Variants in AGBL1 observed in about 807,000 individuals in gnomAD.
AGBL1 encodes cytosolic carboxypeptidase 4.
AGBL1 carries 130 observed loss-of-function variants against 118.9 expected under a neutral mutation model. The ratio of observed to expected loss-of-function variants is 1.09; its 90% CI spans 0.95 to 1.26. The LOEUF (loss-of-function observed/expected upper bound fraction) is 1.26. Ranked by LOEUF, AGBL1 falls within the 50% of genes most tolerant of loss-of-function variation. The pLI, the probability that AGBL1 is intolerant of heterozygous loss-of-function variation, is 0.00. For synonymous variants in AGBL1, 555 were observed against 478.9 expected (o/e 1.16, Z -2.08); for missense variants, 1,584 against 1,298.1 (o/e 1.22, Z -3.38).
chr15:86,093,003 T>A (rs1201165535), intron 1 of AGBL1, among the ~76,000 whole-genome samples: 1 of 152,144 alleles, frequency 6.6e-6, no homozygotes, highest in Admixed American at 6.6e-5. Context: ...AATAGCAGCT[T>A]CGGAAGTATT....
At chr15:86,794,742 A>G (rs1383960357) in intron 22 of AGBL1, among the ~76,000 whole-genome samples, 1 of 152,200 alleles carries the variant, frequency 6.6e-6, no homozygotes, top group Non-Finnish European at 1.5e-5. Context: ...CCTTAGATAT[A>G]TACCTCATGA....
chr15:87,030,474 A>G (rs1292036908), downstream of AGBL1, among the ~76,000 whole-genome samples: 1 of 151,932 alleles, frequency 6.6e-6, no homozygotes, highest in East Asian at 1.9e-4. Context: ...TCTATTTACA[A>G]CTCTTTGCTT....
chr15:86,368,764 T>C (rs996310736), intron 17 of AGBL1, among the ~76,000 whole-genome samples: 1 of 152,028 alleles, frequency 6.6e-6, no homozygotes, highest in Non-Finnish European at 1.5e-5. Context: ...AAGGGAATGG[T>C]GGAGAAACAG....
intron 21 of AGBL1, among the ~76,000 whole-genome samples, chr15:86,566,348 T>G (rs7179130): frequency 0.45 from 67,875 of 151,956 alleles, 16,133 homozygotes; most frequent in East Asian, 0.77. Flanking sequence ...AGTTTTCAAG[T>G]GACTTTGGCT....
chr15:86,923,757 T>G (rs2080503642), intron 23 of AGBL1, among the ~76,000 whole-genome samples: 1 of 152,216 alleles, frequency 6.6e-6, no homozygotes, highest in African/African-American at 2.4e-5. Context: ...TCTGACAAAA[T>G]GCTCCCTATA....
chr15:86,438,916 C>T (rs184090075), intron 18 of AGBL1, among the ~76,000 whole-genome samples: 392 of 152,266 alleles, frequency 2.6e-3, no homozygotes, highest in African/African-American at 8.9e-3. Flanking sequence ...CCACCTCGGC[C>T]TCCCAAAGTG....
rs559645909 is a variant in AGBL1 at position 86,380,764 on chromosome 15, T to C, written c.2375-16602T>C. Among the ~76,000 whole-genome samples, 15 of 152,350 alleles carry C rather than the reference T, an allele frequency of 9.8e-5. No individual in the cohort carries two copies. In the South Asian group the frequency reaches 1.2e-3, roughly 13 times the overall value. ...GTTTTATTTGGCTCCAACTTTCAAA[T>C]TGTGTCCTTTGAAAGCTACTCATTC... On this transcript the variant is annotated intron_variant, in intron 17 of 22. Transcript: ENST00000614907.
chr15:86,358,069 G>A (rs573082884), intron 17 of AGBL1, among the ~76,000 whole-genome samples: 1 of 152,138 alleles, frequency 6.6e-6, no homozygotes, highest in East Asian at 1.9e-4. Flanking sequence ...CAAATTTCAA[G>A]TATGTATTAA....
chr15:86,571,566 T>C (rs893348187), intron 21 of AGBL1, among the ~76,000 whole-genome samples: 7 of 152,096 alleles, frequency 4.6e-5, no homozygotes, highest in Non-Finnish European at 1.0e-4. Context: ...GTGGTTCCTC[T>C]CTGCTAGGCA....
chr15:86,838,941 T>A (rs1198135057), intron 22 of AGBL1, among the ~76,000 whole-genome samples: 16 of 48,004 alleles, frequency 3.3e-4, no homozygotes, highest in Non-Finnish European at 4.4e-4. Context: ...TGAGATCCTG[T>A]AAAAAAAAAA....
At chr15:86,560,092 T>A (rs958000121) in intron 21 of AGBL1, among the ~76,000 whole-genome samples, 2 of 152,168 alleles carry the variant, frequency 1.3e-5, no homozygotes, top group African/African-American at 4.8e-5. Context: ...GGTGACCCAG[T>A]GTAATGTGAA....
intron 23 of AGBL1, among the ~76,000 whole-genome samples, chr15:86,929,220 G>T (rs1262159599): frequency 6.6e-6 from 1 of 152,126 alleles, no homozygotes; most frequent in African/African-American, 2.4e-5. Flanking sequence ...TAATAAGAAA[G>T]AATCTGATGT....
intron 15 of AGBL1, among the ~76,000 whole-genome samples, chr15:86,278,606 A>C (rs2079297227): frequency 6.6e-6 from 1 of 152,202 alleles, no homozygotes; most frequent in East Asian, 1.9e-4. Flanking sequence ...CACAAGAATA[A>C]TTACCTACTA....
intron 1 of AGBL1, among the ~76,000 whole-genome samples, chr15:86,134,850 T>C (rs1332489126): frequency 6.6e-6 from 1 of 151,836 alleles, no homozygotes; most frequent in South Asian, 2.1e-4. Flanking sequence ...CCTGACCTCA[T>C]GATCTGCCTG....
At chr15:86,918,577 C>T (rs993972459), downstream of AGBL1, among the ~76,000 whole-genome samples, 18 of 151,982 alleles carry the variant, frequency 1.2e-4, no homozygotes, top group Admixed American at 2.6e-4. Context: ...TGTAATTTTC[C>T]GAGTCTTATT....
intron 21 of AGBL1, among the ~76,000 whole-genome samples, chr15:86,669,293 T>G (rs1030642976): frequency 1.3e-5 from 2 of 151,818 alleles, no homozygotes; most frequent in South Asian, 2.1e-4. Flanking sequence ...GATGAATGAG[T>G]TTACAAGTAG....
At chr15:86,817,463 T>TAC (rs143498374) in intron 22 of AGBL1, among the ~76,000 whole-genome samples, 3,466 of 133,178 alleles carry the variant, frequency 0.026, 79 homozygotes, top group East Asian at 0.038. Flanking sequence ...CTCTGAGAGA[T>TAC]ACACACACAC....
chr15:86,289,039 A>G (rs2079502651), intron 16 of AGBL1, among the ~76,000 whole-genome samples: 1 of 152,138 alleles, frequency 6.6e-6, no homozygotes, highest in Non-Finnish European at 1.5e-5. Flanking sequence ...TTTAGTTTCA[A>G]TATTTCTCCT....
intron 21 of AGBL1, among the ~76,000 whole-genome samples, chr15:86,586,832 G>C (rs1263099046): frequency 6.6e-6 from 1 of 152,102 alleles, no homozygotes; most frequent in African/African-American, 2.4e-5. Context: ...AAAACTTGGG[G>C]TCAATAGAAA....
Sources: gnomAD v4.1 joint callset for allele counts (sites outside exome capture counted in the v4.1 genomes callset) on GRCh38, gnomAD v4.1.1 for gene constraint, MANE v1.5 for transcripts, NCBI Gene and HGNC (gene_info 2026-07-23, HGNC 2026-07-21) for gene names.